The following NTN1 variants were observed in gnomAD, a reference collection of about 807,000 sequenced individuals.
NTN1 encodes the protein netrin-1.
Under a neutral mutation model 54.2 loss-of-function variants are expected in NTN1, and 11 were observed. The observed-to-expected ratio is 0.20, with a 90% CI of 0.13 to 0.34. NTN1 has a LOEUF of 0.34. Among genes scored for constraint, NTN1 ranks in the 10% least tolerant of loss-of-function variants. The pLI, the probability that NTN1 is intolerant of heterozygous loss-of-function variation, is 1.00. For missense variants in NTN1, 740 were observed against 893.1 expected (o/e 0.83, Z 2.18); for synonymous variants, 371 against 382.0 (o/e 0.97, Z 0.33).
intron 2 of NTN1, among the ~76,000 whole-genome samples, chr17:9,110,293 A>C (rs1188673305): frequency 2.0e-5 from 3 of 147,742 alleles, no homozygotes; most frequent in Admixed American, 1.4e-4. Context: ...TTTTTGAGAC[A>C]GAGTCTCACT....
chr17:9,072,104 A>G (rs1174132374), intron 2 of NTN1, among the ~76,000 whole-genome samples: 4 of 152,120 alleles, frequency 2.6e-5, no homozygotes, highest in African/African-American at 9.7e-5. Flanking sequence ...GTCTGGCAAG[A>G]TGCTTCTCGG....
intron 6 of NTN1, among the ~76,000 whole-genome samples, chr17:9,226,060 C>T (rs561602796): frequency 2.0e-5 from 3 of 151,752 alleles, no homozygotes; most frequent in South Asian, 2.1e-4. Flanking sequence ...GGGCTCGGGG[C>T]GCCGGCCCTG....
At chr17:9,125,409 G>A (rs868623167) in intron 2 of NTN1, among the ~76,000 whole-genome samples, 3 of 151,914 alleles carry the variant, frequency 2.0e-5, no homozygotes, top group South Asian at 2.1e-4. Context: ...TGTATTTTCA[G>A]TAGAGATGGG....
intron 6 of NTN1, among the ~76,000 whole-genome samples, chr17:9,224,538 G>A (rs991008081): frequency 2.5e-4 from 38 of 152,322 alleles, no homozygotes; most frequent in Admixed American, 9.8e-4. Context: ...GCAGTGACAC[G>A]GGCCTGGCTG....
intron 6 of NTN1, among the ~76,000 whole-genome samples, chr17:9,234,710 G>A (rs1905922598): frequency 6.6e-6 from 1 of 152,228 alleles, no homozygotes; most frequent in Admixed American, 6.5e-5. Context: ...AAGGCTCGAG[G>A]AAGGGAGGAT....
chr17:9,134,290 A>G (rs1423121453), intron 2 of NTN1, among the ~76,000 whole-genome samples: 1 of 152,122 alleles, frequency 6.6e-6, no homozygotes, highest in Non-Finnish European at 1.5e-5. Flanking sequence ...CCTGGGGCCA[A>G]TAACAGCTGT....
Position 9,221,040 on chromosome 17 carries a change from C to A in NTN1, c.1412-128C>A, listed in dbSNP as rs934464849. On this transcript the variant is annotated intron_variant, in intron 5 of 6. Coordinates refer to ENST00000173229, the MANE Select transcript of NTN1 (RefSeq NM_004822.3). The surrounding 1 kb of genome is among the most constrained non-coding windows in gnomAD (Gnocchi z 4.5). Reference sequence around the variant, plus strand: ...CCTTTCCTGAATGGCCGCCTGCCCGCCCGGCCTGGCCCATGGGTATCACAG... The same window carrying A: ...CCTTTCCTGAATGGCCGCCTGCCCGACCGGCCTGGCCCATGGGTATCACAG... 4.0e-6 allele frequency: 3 copies of A among 756,028 alleles called. No homozygotes were observed. Among genetic ancestry groups the A allele is most frequent in the African/African-American group, 1.7e-5 (1 of 57,810 alleles). 46.8% of individuals were successfully genotyped at this position (756,028 alleles called of 1,614,324 possible). A position where few individuals can be genotyped will look rare whatever the true frequency, so the allele number is the denominator to read the frequency against.
intron 6 of NTN1, among the ~76,000 whole-genome samples, chr17:9,229,129 T>G (rs62069966): frequency 6.7e-6 from 1 of 149,426 alleles, no homozygotes; most frequent in African/African-American, 2.5e-5. Flanking sequence ...TGTGTTACTG[T>G]GAGTGTGTGA....
chr17:9,154,943 TC>T (rs2092337059), intron 2 of NTN1, among the ~76,000 whole-genome samples: 1 of 152,108 alleles, frequency 6.6e-6, no homozygotes, highest in South Asian at 2.1e-4. Context: ...CCAACTGGGT[TC>T]TTTTCCATTG....
intron 2 of NTN1, among the ~76,000 whole-genome samples, chr17:9,149,817 C>A (rs1041416775): frequency 2.0e-5 from 3 of 152,138 alleles, no homozygotes; most frequent in Non-Finnish European, 2.9e-5. Context: ...CCTGTAATCC[C>A]AGCACTTTGG....
chr17:9,068,512 ATTTTTTTTT>A (rs34047213), intron 2 of NTN1, among the ~76,000 whole-genome samples: 3 of 141,194 alleles, frequency 2.1e-5, no homozygotes, highest in African/African-American at 7.9e-5. Context: ...GTATGTGTGA[ATTTTTTTTT>A]TTTTTTGAGA....
upstream of NTN1, among the ~76,000 whole-genome samples, chr17:9,019,732 T>C (rs560006924): frequency 3.1e-4 from 47 of 152,320 alleles, no homozygotes; most frequent in African/African-American, 7.9e-4. Flanking sequence ...CTCCGAAGCG[T>C]TTCCTCCTAA....
At chr17:9,010,294 A>C in the NTN1 span, among the ~76,000 whole-genome samples, 163 of 152,330 alleles carry the variant, frequency 1.1e-3, 2 homozygotes, top group Non-Finnish European at 2.0e-3. Flanking sequence ...AATGCCCAGG[A>C]GGCTATTCAC....
chr17:9,078,700 ACT>A (rs2092059869), intron 2 of NTN1, among the ~76,000 whole-genome samples: 1 of 152,096 alleles, frequency 6.6e-6, no homozygotes, highest in African/African-American at 2.4e-5. Context: ...GAAAAGTGAG[ACT>A]CTGTGGGCTT....
At chr17:9,036,978 T>A (rs2091905576) in intron 2 of NTN1, among the ~76,000 whole-genome samples, 1 of 152,178 alleles carries the variant, frequency 6.6e-6, no homozygotes, top group African/African-American at 2.4e-5. Context: ...CATGGGACTC[T>A]CCCTCTTTGC....
the NTN1 span, among the ~76,000 whole-genome samples, chr17:9,010,618 G>A: frequency 5.3e-5 from 8 of 152,310 alleles, no homozygotes; most frequent in African/African-American, 1.4e-4. Flanking sequence ...GAGATTTGCT[G>A]GGATATTAGT....
At chr17:9,179,134 CCTCTCCCGTCT>C (rs560120818) in intron 3 of NTN1, 109 of 152,398 alleles carry the variant, frequency 7.2e-4, no homozygotes, top group African/African-American at 2.5e-3. Flanking sequence ...GTTTCCTTTA[CCTCTCCCGTCT>C]TTGTTTGCAC....
rs940535884 is a variant in NTN1, at chr17:9,064,328, A to C, written c.1018+40937A>C. Among the ~76,000 whole-genome samples the C allele has an allele frequency of 7.9e-5, 12 of 152,168 alleles. No individual in the cohort carries two copies. The South Asian group carries it at 2.1e-3, about 26-fold the overall frequency. On this transcript the variant is annotated intron_variant, in intron 2 of 6. Transcript: ENST00000173229. ...CTTCCCTGTACACATTCTCTCTGTA[A>C]ATGACCGCTGCCATTTTCATGGCTT...
chr17:9,226,133 G>A (rs1306588706), intron 6 of NTN1, among the ~76,000 whole-genome samples: 1 of 136,018 alleles, frequency 7.4e-6, no homozygotes, highest in East Asian at 2.5e-4. Flanking sequence ...AGGCTTAAGG[G>A]CACGAAGCAA....
Sources: gnomAD v4.1 joint callset for allele counts (sites outside exome capture counted in the v4.1 genomes callset) on GRCh38, gnomAD v4.1.1 for gene constraint, Gnocchi (gnomAD v3.1) non-coding constraint, MANE v1.5 for transcripts, NCBI Gene and HGNC (gene_info 2026-07-23, HGNC 2026-07-21) for gene names.